Variants in IGF1R observed in about 807,000 individuals in gnomAD.
The protein encoded by IGF1R is insulin-like growth factor 1 receptor.
Under a neutral mutation model 144.6 loss-of-function variants are expected in IGF1R, and 44 were observed. That is an observed-to-expected ratio of 0.30 (90% CI 0.24 to 0.39). The LOEUF (loss-of-function observed/expected upper bound fraction) is 0.39, where lower values mean the gene tolerates loss of function less well. Among genes scored for constraint, IGF1R ranks in the 10% least tolerant of loss-of-function variants. The pLI is 1.00. For synonymous variants in IGF1R, 795 were observed against 722.8 expected (o/e 1.10, Z -1.60); for missense variants, 1,355 against 1,833.7 (o/e 0.74, Z 4.77).
chr15:98,823,226 G>T (rs1187637700), intron 2 of IGF1R, among the ~76,000 whole-genome samples: 1 of 152,232 alleles, frequency 6.6e-6, no homozygotes. Context: ...GTTTGAAAGT[G>T]ACTTGGCAGG....
chr15:98,794,595 TG>T (rs1327108113), intron 2 of IGF1R, among the ~76,000 whole-genome samples: 1 of 152,256 alleles, frequency 6.6e-6, no homozygotes, highest in Non-Finnish European at 1.5e-5. Flanking sequence ...AGTGGCATTC[TG>T]ATTTGTCTGT....
At chr15:98,708,207 G>A (rs945056275) in intron 2 of IGF1R, 100 bp downstream of exon 2, 4 of 1,043,712 alleles carry the variant, frequency 3.8e-6, no homozygotes, top group Non-Finnish European at 5.9e-6. Context: ...CCGCTGGGCA[G>A]GGTGCAGTCG....
chr15:98,916,700 C>T lies in IGF1R; in HGVS notation c.2025C>T (p.Asp675=), dbSNP rs45615734. The T allele has an allele frequency of 1.1e-5, 17 of 1,613,892 alleles. No individual in the cohort carries two copies. Among genetic ancestry groups the T allele is most frequent in the African/African-American group, 6.7e-5 (5 of 74,858 alleles). ...KDKIPIRKYA[D]GTIDIEEVTE... ...AAATCCCCATCAGGAAGTATGCCGACGGCACCATCGACATTGAGGAGGTCA... is the reference window on the plus strand; with the variant it reads ...AAATCCCCATCAGGAAGTATGCCGATGGCACCATCGACATTGAGGAGGTCA... The change falls in exon 10 of 21, where the codon GAC becomes GAT. Residue 675 remains aspartate (D), a synonymous_variant. Transcript: ENST00000650285.
At chr15:98,746,398 T>G (rs76414474) in intron 2 of IGF1R, among the ~76,000 whole-genome samples, 4,314 of 152,272 alleles carry the variant, frequency 0.028, 186 homozygotes, top group African/African-American at 0.095. Context: ...GTCTCTTGGA[T>G]GGCATTCTTG....
chr15:98,814,286 T>G (rs1373301797), intron 2 of IGF1R, among the ~76,000 whole-genome samples: 1 of 151,294 alleles, frequency 6.6e-6, no homozygotes, highest in East Asian at 1.9e-4. Flanking sequence ...TACCAGGCAG[T>G]GAAAGCTTTT....
intron 2 of IGF1R, among the ~76,000 whole-genome samples, chr15:98,837,941 C>G (rs189614130): frequency 7.9e-5 from 12 of 152,324 alleles, no homozygotes; most frequent in Admixed American, 7.8e-4. Flanking sequence ...TGAGACTCTG[C>G]AGAATGCCTT....
At chr15:98,847,122 A>G (rs2137677) in intron 2 of IGF1R, among the ~76,000 whole-genome samples, 15,179 of 152,056 alleles carry the variant, frequency 0.1, 1,657 homozygotes, top group African/African-American at 0.27. Flanking sequence ...GATTTCAGGC[A>G]CGTACCACCA....
At chr15:98,691,394 TCA>T (rs1856972812) in intron 1 of IGF1R, among the ~76,000 whole-genome samples, 1 of 148,794 alleles carries the variant, frequency 6.7e-6, no homozygotes, top group Non-Finnish European at 1.5e-5. Flanking sequence ...AGACAGAGTC[TCA>T]CTCGTCTCCC....
chr15:98,899,136 T>C lies in IGF1R; in HGVS notation c.1103-341T>C, dbSNP rs45565341. Among the ~76,000 whole-genome samples, 972 of 152,370 alleles carry C rather than the reference T, an allele frequency of 6.4e-3. 12 individuals carry two copies. Among genetic ancestry groups the C allele is most frequent in the African/African-American group, 0.022 (909 of 41,594 alleles). The stretch of plus-strand genomic sequence containing the variant: ...TGTACTGTGGGGGCCATACTGTCTG[T>C]TGACAGAGCATATTAAAAGACGTTC... On this transcript the variant is annotated intron_variant, in intron 4 of 20. Transcript: ENST00000650285.
chr15:98,788,498 T>C (rs1384682125), intron 2 of IGF1R, among the ~76,000 whole-genome samples: 1 of 152,266 alleles, frequency 6.6e-6, no homozygotes, highest in Non-Finnish European at 1.5e-5. Flanking sequence ...AGTGTCTGTT[T>C]ACACATAACA....
intron 2 of IGF1R, among the ~76,000 whole-genome samples, chr15:98,826,967 C>G (rs977424305): frequency 2.0e-5 from 3 of 152,174 alleles, no homozygotes; most frequent in Non-Finnish European, 2.9e-5. Context: ...TAGGATTAGA[C>G]TCTTTTCATA....
intron 1 of IGF1R, among the ~76,000 whole-genome samples, chr15:98,683,321 A>G (rs181289369): frequency 6.6e-6 from 1 of 152,268 alleles, no homozygotes; most frequent in African/African-American, 2.4e-5. Flanking sequence ...TTAGGATTCT[A>G]AAAGTAAAGT....
At chr15:98,822,251 A>G (rs892189907) in intron 2 of IGF1R, among the ~76,000 whole-genome samples, 2 of 152,170 alleles carry the variant, frequency 1.3e-5, no homozygotes, top group African/African-American at 4.8e-5. Flanking sequence ...TGTGGTGCAC[A>G]GTCCTCGCCC....
intron 2 of IGF1R, among the ~76,000 whole-genome samples, chr15:98,785,856 G>A (rs1262462587): frequency 2.0e-5 from 3 of 152,182 alleles, no homozygotes; most frequent in African/African-American, 7.2e-5. Context: ...TTGTAAATCA[G>A]GAATGTAGGT....
chr15:98,661,727 C>G (rs914874531), intron 1 of IGF1R, among the ~76,000 whole-genome samples: 1 of 152,222 alleles, frequency 6.6e-6, no homozygotes, highest in East Asian at 1.9e-4. Flanking sequence ...CTCAGTGTCT[C>G]TGCCTGTGAT....
At chr15:98,793,780 C>G (rs2056178645) in intron 2 of IGF1R, among the ~76,000 whole-genome samples, 1 of 152,164 alleles carries the variant, frequency 6.6e-6, no homozygotes, top group Non-Finnish European at 1.5e-5. Flanking sequence ...AGGAAAAAGA[C>G]TTTATTAAGA....
At chr15:98,683,715 G>A (rs189920974) in intron 1 of IGF1R, among the ~76,000 whole-genome samples, 14 of 152,294 alleles carry the variant, frequency 9.2e-5, no homozygotes, top group Admixed American at 9.2e-4. Context: ...GGATGGCAAG[G>A]TTTATTGTTT....
intron 20 of IGF1R, among the ~76,000 whole-genome samples, chr15:98,949,898 T>G (rs2016707711): frequency 6.6e-6 from 1 of 152,104 alleles, no homozygotes; most frequent in Non-Finnish European, 1.5e-5. Flanking sequence ...TTGTCCTTCC[T>G]GGAATGAGTT....
chr15:98,933,394 A>G (rs2016018309), intron 15 of IGF1R, among the ~76,000 whole-genome samples: 1 of 151,614 alleles, frequency 6.6e-6, no homozygotes, highest in African/African-American at 2.4e-5. Context: ...CCCAGGCTGG[A>G]GTGCAGTGGT....
Sources: gnomAD v4.1 joint callset for allele counts (sites outside exome capture counted in the v4.1 genomes callset) on GRCh38, gnomAD v4.1.1 for gene constraint, MANE v1.5 for transcripts, NCBI Gene and HGNC (gene_info 2026-07-23, HGNC 2026-07-21) for gene names.